Variants in GABRG3 observed in about 807,000 individuals in gnomAD.
GABRG3 encodes gamma-aminobutyric acid receptor subunit gamma-3.
A neutral mutation model predicts 48.8 loss-of-function variants in GABRG3; 25 were observed. The observed-to-expected ratio is 0.51, with a 90% CI of 0.37 to 0.72. The LOEUF is 0.72. Ranked by LOEUF, GABRG3 falls within the 30% of genes least tolerant of loss-of-function variation. The probability of loss-of-function intolerance (pLI) is 0.00; values close to 1 mark genes in which losing one functional copy is unlikely to be tolerated. For missense variants in GABRG3, 394 were observed against 577.9 expected, an observed-to-expected ratio of 0.68 and a Z score of 3.26; for synonymous variants, 227 against 217.6, an observed-to-expected ratio of 1.04 and a Z score of -0.38.
intron 3 of GABRG3, among the ~76,000 whole-genome samples, chr15:27,269,301 C>T (rs971765018): frequency 6.6e-5 from 10 of 152,208 alleles, no homozygotes; most frequent in African/African-American, 2.4e-4. Flanking sequence ...TATTGGTCTA[C>T]TTTATCCTGT....
chr15:27,101,651 CA>C (rs1424835771), intron 3 of GABRG3, among the ~76,000 whole-genome samples: 1 of 151,948 alleles, frequency 6.6e-6, no homozygotes, highest in Non-Finnish European at 1.5e-5. Context: ...TGTTTACTGA[CA>C]AAAGTGCAAG....
chr15:27,392,406 T>C (rs905446639), intron 5 of GABRG3, among the ~76,000 whole-genome samples: 11 of 152,162 alleles, frequency 7.2e-5, no homozygotes, highest in Non-Finnish European at 1.6e-4. Context: ...TGCACCTCAA[T>C]TGGGAATTGT....
At position 27,195,333 on chromosome 15, in the gene GABRG3, C is replaced by T. The variant is rs117063086; in HGVS notation, c.271-131476C>T. 1.0e-3 allele frequency among the ~76,000 whole-genome samples: 157 copies of T among 152,220 alleles called. 1 individual carries two copies. In the East Asian group the frequency reaches 0.029, roughly 28 times the overall value. ...TTTCTCTCCCTCTCTTTCTTTCTTT[C>T]TCTCTTTCTCTCTGTCTGTCCATCT... On this transcript the variant is annotated intron_variant, in intron 3 of 9. Coordinates refer to ENST00000615808, the MANE Select transcript of GABRG3 (RefSeq NM_033223.5).
rs1366064746 is a variant in GABRG3, at chr15:26,974,849, A to AAAT, written c.54-2153_54-2152insAAT. On this transcript the variant is annotated intron_variant, in intron 1 of 9. Transcript: ENST00000615808. This position sits in a 1 kb window ranked among gnomAD's most constrained non-coding sequence, Gnocchi z 4.3. ...ACACGAAATATTTTTTAAATTTATT[A>AAAT]TTATTATTATTATTATTATTATTAT... Among the ~76,000 whole-genome samples the AAAT allele has an allele frequency of 2.0e-5, 1 of 49,778 alleles. No homozygotes were observed. The highest frequency in any genetic ancestry group is 3.6e-5 in the Non-Finnish European group (1 of 28,060). The allele number at this position is 49,778 out of a possible 152,430, so 32.7% of individuals were successfully genotyped here. A position where few individuals can be genotyped will look rare whatever the true frequency, so the allele number is the denominator to read the frequency against.
chr15:27,002,776 GGAAGGAAA>G (rs1325525445), intron 2 of GABRG3, among the ~76,000 whole-genome samples: 1 of 148,088 alleles, frequency 6.8e-6, no homozygotes, highest in Non-Finnish European at 1.5e-5. Context: ...AAGGAAGGAA[GGAAGGAAA>G]GAAGGAAAGA....
intron 3 of GABRG3, among the ~76,000 whole-genome samples, chr15:27,146,201 T>C (rs921133345): frequency 6.6e-6 from 1 of 152,272 alleles, no homozygotes; most frequent in East Asian, 1.9e-4. Flanking sequence ...AAACCTGTAA[T>C]CCCAGCACTT....
chr15:27,161,031 C>A (rs1369939059), intron 3 of GABRG3: 2 of 152,022 alleles, frequency 1.3e-5, no homozygotes, highest in African/African-American at 4.8e-5. Context: ...CCTGTTGTCT[C>A]TGTATGTCAC....
chr15:27,039,914 G>A (rs1003999934), intron 3 of GABRG3, among the ~76,000 whole-genome samples: 12 of 152,218 alleles, frequency 7.9e-5, no homozygotes, highest in Non-Finnish European at 2.9e-5. Flanking sequence ...CACTCACCGA[G>A]GAGAATCTGC....
chr15:27,372,855 G>T (rs1331875023), intron 5 of GABRG3, among the ~76,000 whole-genome samples: 1 of 152,154 alleles, frequency 6.6e-6, no homozygotes, highest in African/African-American at 2.4e-5. Flanking sequence ...ACTGTACCTT[G>T]AGTGGTTGTC....
intron 3 of GABRG3, among the ~76,000 whole-genome samples, chr15:27,157,248 T>C (rs1898455319): frequency 6.6e-6 from 1 of 152,206 alleles, no homozygotes; most frequent in African/African-American, 2.4e-5. Context: ...GTTTGCAAAC[T>C]CATAAGATTT....
intron 3 of GABRG3, among the ~76,000 whole-genome samples, chr15:27,160,048 G>C (rs1422828018): frequency 1.3e-5 from 2 of 152,078 alleles, no homozygotes; most frequent in Non-Finnish European, 2.9e-5. Context: ...ACCCCTCACT[G>C]TCATACTGCA....
At chr15:27,050,392 G>T (rs146793360) in intron 3 of GABRG3, among the ~76,000 whole-genome samples, 2 of 152,092 alleles carry the variant, frequency 1.3e-5, no homozygotes, top group Non-Finnish European at 2.9e-5. Context: ...TCCCTTTCTC[G>T]CAGGCACAGC....
chr15:27,057,548 G>A (rs192442793), intron 3 of GABRG3, among the ~76,000 whole-genome samples: 5 of 152,258 alleles, frequency 3.3e-5, no homozygotes, highest in African/African-American at 9.6e-5. Flanking sequence ...GGGGCTGCAC[G>A]ATCCTAGAAG....
At chr15:27,310,182 G>T (rs561432914) in intron 3 of GABRG3, among the ~76,000 whole-genome samples, 191 of 152,062 alleles carry the variant, frequency 1.3e-3, no homozygotes, top group Non-Finnish European at 2.3e-3. Context: ...GTTATGGGTA[G>T]GGAAGGGGCA....
chr15:27,309,188 A>G lies in GABRG3; in HGVS notation c.271-17621A>G, dbSNP rs1397458487. Among the ~76,000 whole-genome samples, 4 of 149,984 alleles carry G rather than the reference A, an allele frequency of 2.7e-5. No homozygotes were observed. The East Asian group carries it at 7.7e-4, about 29-fold the overall frequency. On this transcript the variant is annotated intron_variant, in intron 3 of 9. Coordinates refer to ENST00000615808, the MANE Select transcript of GABRG3 (RefSeq NM_033223.5). ...TAAACAGATGTTTATATAGAAACAC[A>G]TATAATGTAAACATAGATGTTTGTA...
chr15:27,016,254 TGA>T lies in GABRG3; in HGVS notation c.203-10495_203-10494del, dbSNP rs1234449481. On this transcript the variant is annotated intron_variant, in intron 2 of 9. Transcript: ENST00000615808. ...TTTCTTTCTTTCTTTTTTTTTTTTT[TGA>T]GAGAAAGTCTCACTCTGTCACCTAG... Among the ~76,000 whole-genome samples the T allele has an allele frequency of 1.7e-3, 261 of 150,822 alleles. 1 individual carries two copies. Among genetic ancestry groups the T allele is most frequent in the African/African-American group, 5.8e-3 (240 of 41,160 alleles).
intron 3 of GABRG3, among the ~76,000 whole-genome samples, chr15:27,200,501 C>T (rs1289504886): frequency 6.6e-6 from 1 of 152,176 alleles, no homozygotes; most frequent in Non-Finnish European, 1.5e-5. Flanking sequence ...GCAACCTCGC[C>T]TCTCCAGGTG....
intron 5 of GABRG3, chr15:27,366,349 A>G (rs1895199583): frequency 6.6e-6 from 1 of 152,176 alleles, no homozygotes; most frequent in Non-Finnish European, 1.5e-5. Flanking sequence ...GGATAAAGAC[A>G]TATTCCCTAA....
chr15:27,405,456 C>T (rs1210882512), intron 5 of GABRG3, among the ~76,000 whole-genome samples: 1 of 152,042 alleles, frequency 6.6e-6, no homozygotes, highest in Non-Finnish European at 1.5e-5. Flanking sequence ...TGTGGGGGGT[C>T]AAGGATTGCT....
Sources: gnomAD v4.1 joint callset for allele counts (sites outside exome capture counted in the v4.1 genomes callset) on GRCh38, gnomAD v4.1.1 for gene constraint, Gnocchi (gnomAD v3.1) non-coding constraint, MANE v1.5 for transcripts, NCBI Gene and HGNC (gene_info 2026-07-23, HGNC 2026-07-21) for gene names.